CRYL1: variants seen among roughly 807,000 people sequenced by gnomAD.
CRYL1 encodes crystallin lambda 1, also known as lambda-crystallin homolog.
In CRYL1, 29 loss-of-function variants were observed where a neutral mutation model predicts 36.6. The ratio of observed to expected loss-of-function variants is 0.79; its 90% CI spans 0.59 to 1.08. The LOEUF (loss-of-function observed/expected upper bound fraction) is 1.08. Ranked by LOEUF, CRYL1 falls within the 50% of genes least tolerant of loss-of-function variation. The pLI is 0.00. For missense variants in CRYL1, 411 were observed against 407.9 expected, an observed-to-expected ratio of 1.01 and a Z score of -0.06; for synonymous variants, 152 against 151.5, an observed-to-expected ratio of 1.00 and a Z score of -0.02.
intron 5 of CRYL1, among the ~76,000 whole-genome samples, chr13:20,429,648 G>A (rs559954263): frequency 5.6e-4 from 85 of 152,142 alleles, no homozygotes; most frequent in Non-Finnish European, 6.3e-4. Flanking sequence ...ACACTGAGAC[G>A]AGGCACGGTT....
intron 2 of CRYL1, among the ~76,000 whole-genome samples, chr13:20,492,475 T>G (rs976753515): frequency 2.0e-5 from 3 of 152,152 alleles, no homozygotes; most frequent in Non-Finnish European, 4.4e-5. Flanking sequence ...AACGCACTCT[T>G]TCTGGAGGTT....
At chr13:20,445,892 G>T (rs972402883) in intron 3 of CRYL1, among the ~76,000 whole-genome samples, 2 of 152,118 alleles carry the variant, frequency 1.3e-5, no homozygotes, top group African/African-American at 4.8e-5. Context: ...CAGATGTGTG[G>T]ATATTATTAA....
At chr13:20,412,879 G>T (rs2149696) in intron 6 of CRYL1, among the ~76,000 whole-genome samples, 117,727 of 152,170 alleles carry the variant, frequency 0.77, 45,737 homozygotes, top group Admixed American at 0.84. Context: ...GGGCAGAAGA[G>T]ATATCCAGCA....
chr13:20,519,460 C>T (rs1049567101), intron 1 of CRYL1, among the ~76,000 whole-genome samples: 28 of 151,518 alleles, frequency 1.8e-4, no homozygotes, highest in African/African-American at 5.8e-4. Flanking sequence ...GATGGTGGAA[C>T]ATGACAAATG....
chr13:20,477,867 TATATG>T (rs2033195927), intron 3 of CRYL1, among the ~76,000 whole-genome samples: 1 of 109,478 alleles, frequency 9.1e-6, no homozygotes, highest in South Asian at 3.0e-4. Flanking sequence ...TAATATATAT[TATATG>T]ATAATATATA....
intron 5 of CRYL1, chr13:20,431,802 A>T: frequency 7.7e-7 from 1 of 1,304,722 alleles, no homozygotes; most frequent in Non-Finnish European, 9.8e-7. Flanking sequence ...AGTGGGCCAC[A>T]TAGGTTATTA....
intron 3 of CRYL1, among the ~76,000 whole-genome samples, chr13:20,461,017 A>G (rs1346379581): frequency 6.6e-6 from 1 of 152,082 alleles, no homozygotes; most frequent in Admixed American, 6.5e-5. Flanking sequence ...CCCCACCACA[A>G]CTAGGGTAGC....
At chr13:20,438,895 C>T (rs1280681646) in intron 4 of CRYL1, among the ~76,000 whole-genome samples, 1 of 152,220 alleles carries the variant, frequency 6.6e-6, no homozygotes, top group Non-Finnish European at 1.5e-5. Flanking sequence ...CTCTCATTCC[C>T]CTTTCCTCAC....
chr13:20,428,242 C>T (rs558729907), intron 5 of CRYL1, among the ~76,000 whole-genome samples: 11 of 152,218 alleles, frequency 7.2e-5, no homozygotes, highest in African/African-American at 2.4e-4. Context: ...ACTTTTCTAG[C>T]GCCAACATGA....
At chr13:20,482,952 GA>G (rs1412300926) in intron 3 of CRYL1, among the ~76,000 whole-genome samples, 1 of 152,172 alleles carries the variant, frequency 6.6e-6, no homozygotes, top group Non-Finnish European at 1.5e-5. Flanking sequence ...GAAAGGCGAA[GA>G]TCCCATGTTC....
intron 2 of CRYL1, among the ~76,000 whole-genome samples, chr13:20,495,025 C>G (rs1383985851): frequency 6.6e-6 from 1 of 152,248 alleles, no homozygotes; most frequent in Non-Finnish European, 1.5e-5. Context: ...CATCTGCAGA[C>G]AGACCCCTGT....
At chr13:20,434,716 C>CT (rs1468121058) in intron 4 of CRYL1, among the ~76,000 whole-genome samples, 1 of 151,464 alleles carries the variant, frequency 6.6e-6, no homozygotes, top group African/African-American at 2.4e-5. Context: ...CTTGCTACCA[C>CT]TTACTCTTTG....
intron 5 of CRYL1, among the ~76,000 whole-genome samples, chr13:20,429,849 C>T (rs2032016503): frequency 1.3e-5 from 2 of 152,172 alleles, no homozygotes; most frequent in African/African-American, 4.8e-5. Context: ...TGGCTCTACC[C>T]AATTAACATG....
chr13:20,524,126 G>T (rs1335586797), intron 1 of CRYL1, among the ~76,000 whole-genome samples: 3 of 152,182 alleles, frequency 2.0e-5, no homozygotes, highest in Non-Finnish European at 2.9e-5. Context: ...GGTGACACAT[G>T]CCTGCTGTGG....
intron 5 of CRYL1, chr13:20,430,359 C>T (rs1470202632): frequency 2.0e-6 from 2 of 985,264 alleles, no homozygotes; most frequent in Non-Finnish European, 2.4e-6. Context: ...AGTCCCACAG[C>T]AGCCAACACA....
At chr13:20,513,229 C>T (rs979733245) in intron 1 of CRYL1, among the ~76,000 whole-genome samples, 21 of 152,176 alleles carry the variant, frequency 1.4e-4, no homozygotes, top group Admixed American at 5.9e-4. Context: ...TGTACTCACA[C>T]GCTGAATAAA....
intron 5 of CRYL1, chr13:20,430,788 C>T: frequency 1.0e-6 from 1 of 985,400 alleles, no homozygotes. Context: ...TTTAATTCAA[C>T]AAGTGAACAT....
intron 2 of CRYL1, among the ~76,000 whole-genome samples, chr13:20,502,005 G>A (rs553512692): frequency 6.6e-6 from 1 of 152,306 alleles, no homozygotes; most frequent in South Asian, 2.1e-4. Context: ...CATGGCAGGT[G>A]TTTCTGAAGT....
intron 5 of CRYL1, chr13:20,431,709 C>A: frequency 8.7e-7 from 1 of 1,147,116 alleles, no homozygotes; most frequent in East Asian, 6.2e-5. Context: ...CTTCAGGAGA[C>A]AGAAGTTTAC....
Sources: gnomAD v4.1 joint callset for allele counts (sites outside exome capture counted in the v4.1 genomes callset) on GRCh38, gnomAD v4.1.1 for gene constraint, MANE v1.5 for transcripts, NCBI Gene and HGNC (gene_info 2026-07-23, HGNC 2026-07-21) for gene names.